FAN1: variants seen among roughly 807,000 people sequenced by gnomAD.
FAN1 encodes the protein FANCD2 and FANCI associated nuclease 1, also known as fanconi-associated nuclease 1.
In FAN1, 91 loss-of-function variants were observed where a neutral mutation model predicts 104.9. That is an observed-to-expected ratio of 0.87 (90% confidence interval 0.73 to 1.03). FAN1 has a LOEUF of 1.03. Ranked by LOEUF, FAN1 falls within the 50% of genes least tolerant of loss-of-function variation. The probability of loss-of-function intolerance (pLI) is 0.00; values close to 1 mark genes in which losing one functional copy is unlikely to be tolerated. For missense variants in FAN1, 1,263 were observed against 1,239.9 expected, an observed-to-expected ratio of 1.02 and a Z score of -0.28; for synonymous variants, 478 against 457.6, an observed-to-expected ratio of 1.04 and a Z score of -0.57.
Position 30,925,887 on chromosome 15 carries a change from C to T in FAN1, c.2436C>T (p.Cys812=), listed in dbSNP as rs1157111343. The change falls in exon 10 of 15, where the codon TGC becomes TGT. Residue 812 remains cysteine, a synonymous_variant. Coordinates refer to ENST00000362065, the MANE Select transcript of FAN1 (RefSeq NM_014967.5). ...CCGCTGACCCCACCACGGTCCTGTG[C>T]TCTGTGGAGGAGCTGGCACTGGCCC... is the stretch of plus-strand genomic sequence containing the variant. ...GEAADPTTVL[C]SVEELALAHY... is the part of the protein sequence containing the mutation. The T allele has an allele frequency of 6.2e-7, 1 of 1,614,208 alleles. No homozygotes were observed. Among genetic ancestry groups the T allele is most frequent in the Non-Finnish European group, 8.5e-7 (1 of 1,180,026 alleles).
Position 30,928,587 on chromosome 15 carries a change from G to C in FAN1, c.2523G>C (p.Leu841=). Residue 841 remains leucine (L), a synonymous_variant, in exon 11 of 15, where the codon CTG becomes CTC. Coordinates refer to ENST00000362065, the MANE Select transcript of FAN1 (RefSeq NM_014967.5). ...GCGAAGGGTCCACCTTCAGCACCCT[G>C]TATGGCCTCCTCCTGTGGGACATCA... ...IHGEGSTFST[L]YGLLLWDIIF... 6.2e-7 allele frequency: 1 copy of C among 1,610,524 alleles called. No individual in the cohort carries two copies.
chr15:30,931,210 T>G (rs1229721046), intron 13 of FAN1, among the ~76,000 whole-genome samples: 1 of 152,092 alleles, frequency 6.6e-6, no homozygotes, highest in Non-Finnish European at 1.5e-5. Flanking sequence ...CACAAAAAAT[T>G]TTTTAAAAAG....
Position 30,905,264 on chromosome 15 carries a change from G to A in FAN1, c.601G>A (p.Asp201Asn). Residue 201 changes from aspartate (D) to asparagine (N), a missense_variant, in exon 2 of 15, where the codon GAC becomes AAC. By Grantham distance (23) the Asp-to-Asn change is conservative. Coordinates refer to ENST00000362065, the MANE Select transcript of FAN1 (RefSeq NM_014967.5). ...SLIDNSSEIE[D>N]EDQILENSSQ... ...GATTGATAACTCTTCAGAAATTGAG[G>A]ACGAGGATCAAATTTTGGAGAACAG... 6.2e-7 allele frequency: 1 copy of A among 1,614,060 alleles called. No homozygotes were observed. Among genetic ancestry groups the A allele is most frequent in the Middle Eastern group, 1.6e-4 (1 of 6,062 alleles).
chr15:30,932,507 T>G (rs1056766181), intron 13 of FAN1, among the ~76,000 whole-genome samples: 14 of 152,038 alleles, frequency 9.2e-5, no homozygotes, highest in African/African-American at 2.9e-4. Flanking sequence ...CCCTAAACAT[T>G]TGATAGAATT....
At chr15:30,934,303 TTTATC>T (rs2062794510) in intron 13 of FAN1, among the ~76,000 whole-genome samples, 1 of 152,158 alleles carries the variant, frequency 6.6e-6, no homozygotes, top group Admixed American at 6.5e-5. Context: ...TTTGACCTGT[TTTATC>T]TTATTTTTAA....
At chr15:30,927,340 T>A in intron 10 of FAN1, 1 of 985,540 alleles carries the variant, frequency 1.0e-6, no homozygotes, top group Non-Finnish European at 1.2e-6. Flanking sequence ...GGAAAGAGCA[T>A]GAAGTGTTCT....
At chr15:30,913,230 G>A (rs1363000389) in intron 4 of FAN1, among the ~76,000 whole-genome samples, 1 of 152,144 alleles carries the variant, frequency 6.6e-6, no homozygotes, top group Non-Finnish European at 1.5e-5. Context: ...GCGCATGCGA[G>A]GGATCTAGGT....
At chr15:30,927,076 CT>C in intron 10 of FAN1, 1 of 962,488 alleles carries the variant, frequency 1.0e-6, no homozygotes. Flanking sequence ...CTTGGGGAGG[CT>C]GAGACAGGAG....
intron 14 of FAN1, chr15:30,941,224 A>AC: frequency 7.1e-7 from 1 of 1,405,944 alleles, no homozygotes; most frequent in South Asian, 1.2e-5. Flanking sequence ...GACAACATGA[A>AC]CAGTTTGATC....
rs764078415 is a variant in FAN1 at position 30,904,893 on chromosome 15, T to C, written c.230T>C (p.Val77Ala). 4.3e-6 allele frequency: 7 copies of C among 1,613,888 alleles called. No individual in the cohort carries two copies. Among genetic ancestry groups the C allele is most frequent in the Non-Finnish European group, 5.9e-6 (7 of 1,179,980 alleles). ...TTCGTTCAAGTGGATCCAGGGCAGG[T>C]TGGCTTAATAAATTCAAATGTGTCT... ...NDFVQVDPGQVGLINSNVSMV... is the reference protein window; with the variant it reads ...NDFVQVDPGQAGLINSNVSMV... Residue 77 changes from valine (V) to alanine (A), a missense_variant, in exon 2 of 15, where the codon GTT (valine) becomes GCT (alanine). Physicochemically the swap from Val to Ala is moderately conservative, Grantham distance 64. Transcript: ENST00000362065.
intron 5 of FAN1, among the ~76,000 whole-genome samples, chr15:30,915,397 ATAAT>A (rs1045525630): frequency 1.3e-5 from 2 of 152,232 alleles, no homozygotes; most frequent in African/African-American, 2.4e-5. Context: ...TAGGATGACT[ATAAT>A]TAACAACAGT....
intron 14 of FAN1, chr15:30,939,772 G>A (rs2062977145): frequency 2.0e-6 from 2 of 985,026 alleles, no homozygotes; most frequent in Non-Finnish European, 2.4e-6. Flanking sequence ...ACTGTCAATG[G>A]CAGGATACGC....
chr15:30,917,379 A>G (rs138595117), intron 5 of FAN1, among the ~76,000 whole-genome samples: 1 of 152,292 alleles, frequency 6.6e-6, no homozygotes, highest in Non-Finnish European at 1.5e-5. Flanking sequence ...TCACTGGCAT[A>G]TGGACAATGT....
At chr15:30,925,424 C>T (rs570860949) in intron 9 of FAN1, 133 bp downstream of exon 9, 10 of 886,636 alleles carry the variant, frequency 1.1e-5, no homozygotes, top group East Asian at 5.3e-5. Flanking sequence ...TCGTTTTGGA[C>T]GGCTGTGTGG....
At chr15:30,910,956 G>T in intron 4 of FAN1, 141 bp downstream of exon 4, 2 of 1,369,820 alleles carry the variant, frequency 1.5e-6, no homozygotes, top group Non-Finnish European at 1.9e-6. Context: ...AGCCTTAATT[G>T]CAATAGCCTG....
Position 30,905,096 on chromosome 15 carries a change from C to G in FAN1, c.433C>G (p.Arg145Gly). 1 of 1,613,932 alleles carries G rather than the reference C, an allele frequency of 6.2e-7. No homozygotes were observed. ...VCKNQDELRN[R>G]SVKVICLGSL... The stretch of plus-strand genomic sequence containing the variant: ...CAAAAATCAAGATGAGCTGAGAAAT[C>G]GTAGTGTGAAAGTCATTTGTTTGGG... The change falls in exon 2 of 15, where the codon CGT becomes GGT. Residue 145 changes from arginine to glycine, a missense_variant. Coordinates refer to ENST00000362065, the MANE Select transcript of FAN1 (RefSeq NM_014967.5).
intron 13 of FAN1, 79 bp from the exon 14 acceptor site, chr15:30,937,040 C>A: frequency 1.7e-6 from 2 of 1,156,182 alleles, no homozygotes; most frequent in South Asian, 1.4e-5. Context: ...AAATAGTTGT[C>A]AGTGACAACT....
intron 10 of FAN1, chr15:30,927,429 C>T (rs773147237): frequency 8.2e-5 from 81 of 985,494 alleles, no homozygotes; most frequent in Middle Eastern, 5.2e-4. Context: ...ATCCCTGAGA[C>T]GGGCTGCAGG....
At chr15:30,925,768 G>T in intron 9 of FAN1, 21 bp from the exon 10 acceptor site, 1 of 1,613,634 alleles carries the variant, frequency 6.2e-7, no homozygotes, top group Non-Finnish European at 8.5e-7. Flanking sequence ...GCTAATAGAT[G>T]TTATTCTGCT....
Sources: gnomAD v4.1 joint callset for allele counts (sites outside exome capture counted in the v4.1 genomes callset) on GRCh38, gnomAD v4.1.1 for gene constraint, MANE v1.5 for transcripts, NCBI Gene and HGNC (gene_info 2026-07-23, HGNC 2026-07-21) for gene names.